The following RELN variants were observed in gnomAD, a reference collection of about 807,000 sequenced individuals.
RELN encodes reelin.
A neutral mutation model predicts 427.6 loss-of-function variants in RELN; 108 were observed. That is an observed-to-expected ratio of 0.25 (90% CI 0.22 to 0.30). RELN has a LOEUF of 0.30. RELN is among the 10% of genes least tolerant of loss of function. The pLI, the probability that RELN is intolerant of heterozygous loss-of-function variation, is 1.00. For synonymous variants in RELN, 1,524 were observed against 1,513.4 expected (o/e 1.01, Z -0.16); for missense variants, 3,715 against 4,302.8 (o/e 0.86, Z 3.82).
At position 103,546,182 on chromosome 7, in the gene RELN, C is replaced by T. The variant is rs116478788; in HGVS notation, c.6303-838G>A. On this transcript the variant is annotated intron_variant, in intron 41 of 64. Coordinates refer to ENST00000428762, the MANE Select transcript of RELN (RefSeq NM_005045.4). ...TCCCTCCCTGACAACTGACAACCAC[C>T]AATCATTTCTGTCTCTATGGACTGA... Among the ~76,000 whole-genome samples the T allele has an allele frequency of 6.9e-3, 1,048 of 152,282 alleles. 16 individuals are homozygous for T. Among genetic ancestry groups the T allele is most frequent in the African/African-American group, 0.024 (987 of 41,548 alleles).
At chr7:103,851,378 T>C (rs1315548789) in intron 2 of RELN, among the ~76,000 whole-genome samples, 1 of 152,098 alleles carries the variant, frequency 6.6e-6, no homozygotes, top group African/African-American at 2.4e-5. Context: ...ACAAATATGG[T>C]GCAATGTATA....
At chr7:103,495,640 C>A in intron 57 of RELN, 83 bp downstream of exon 57, 4 of 1,283,402 alleles carry the variant, frequency 3.1e-6, no homozygotes, top group Non-Finnish European at 4.5e-6. Flanking sequence ...CAGTCATTTC[C>A]TTATAGTTGT....
At position 103,773,363 on chromosome 7, in the gene RELN, C is replaced by A. The variant is rs1373366214; in HGVS notation, c.544+3194G>T. ...GCTTCCTCTCTCTCTCTCCCTCTCT[C>A]TCTCTCCCTCCCTCCCTCCCTCCCT... On this transcript the variant is annotated intron_variant, in intron 4 of 64. Coordinates refer to ENST00000428762, the MANE Select transcript of RELN (RefSeq NM_005045.4). Among the ~76,000 whole-genome samples, 37 of 35,934 alleles carry A rather than the reference C, an allele frequency of 1.0e-3. 5 individuals carry two copies. In the African/African-American group the frequency reaches 0.01, roughly 10 times the overall value. The allele number at this position is 35,934 out of a possible 152,430, so 23.6% of individuals were successfully genotyped here.
chr7:103,797,779 G>A (rs1218085178), intron 3 of RELN, among the ~76,000 whole-genome samples: 3 of 152,164 alleles, frequency 2.0e-5, no homozygotes, highest in East Asian at 3.9e-4. Context: ...GGCATGTGGT[G>A]TATATAAAGG....
rs115107507 is a variant in RELN, at chr7:103,846,895, G to A, written c.338-13223C>T. ...GATGCCATCTCATGCCAGTTAGAAC[G>A]GCGATCATTAAAGAAGCAGGAAACA... On this transcript the variant is annotated intron_variant, in intron 2 of 64. Coordinates refer to ENST00000428762, the MANE Select transcript of RELN (RefSeq NM_005045.4). Among the ~76,000 whole-genome samples the A allele has an allele frequency of 4.7e-3, 709 of 152,290 alleles. 6 individuals carry two copies. Among genetic ancestry groups the A allele is most frequent in the African/African-American group, 0.016 (681 of 41,546 alleles).
At chr7:103,782,619 G>A (rs1048004186) in intron 3 of RELN, among the ~76,000 whole-genome samples, 2 of 151,826 alleles carry the variant, frequency 1.3e-5, no homozygotes. Flanking sequence ...AGGAATCAGA[G>A]GTATTTATAT....
In RELN at chr7:103,779,105, G is replaced by T. The variant is rs147725775; in HGVS notation, c.474-2478C>A. 1.1e-3 allele frequency among the ~76,000 whole-genome samples: 174 copies of T among 152,284 alleles called. 2 individuals carry two copies. Among genetic ancestry groups the T allele is most frequent in the African/African-American group, 4.0e-3 (166 of 41,566 alleles). On this transcript the variant is annotated intron_variant, in intron 3 of 64. Coordinates refer to ENST00000428762, the MANE Select transcript of RELN (RefSeq NM_005045.4). ...TTCAGGTCTTAGATTCGAGGCCTTG[G>T]ATTCTTTCCCTTGCATCAGCAGTTT...
chr7:103,757,469 C>G (rs1791188233), intron 4 of RELN, among the ~76,000 whole-genome samples: 1 of 152,120 alleles, frequency 6.6e-6, no homozygotes, highest in Non-Finnish European at 1.5e-5. Flanking sequence ...TGCCCAGTTT[C>G]TCAACTCTTT....
intron 3 of RELN, among the ~76,000 whole-genome samples, chr7:103,796,294 A>G (rs1792295917): frequency 6.6e-6 from 1 of 152,214 alleles, no homozygotes; most frequent in Non-Finnish European, 1.5e-5. Flanking sequence ...TTTTAAAACA[A>G]TAGCAATTTT....
chr7:103,620,116 T>C lies in RELN; in HGVS notation c.2703-8313A>G, dbSNP rs1425160907. Among the ~76,000 whole-genome samples, 14 of 152,110 alleles carry C rather than the reference T, an allele frequency of 9.2e-5. No homozygotes were observed. Among genetic ancestry groups the C allele is most frequent in the Non-Finnish European group, 2.9e-5 (2 of 68,006 alleles). Reference sequence around the variant, plus strand: ...GAGATAACTGAATGATGGGGATGGGTTCACCCATACTGTTCTCATGGTAGT... The same window carrying C: ...GAGATAACTGAATGATGGGGATGGGCTCACCCATACTGTTCTCATGGTAGT... On this transcript the variant is annotated intron_variant, in intron 20 of 64. Coordinates refer to ENST00000428762, the MANE Select transcript of RELN (RefSeq NM_005045.4). This position sits in a 1 kb window ranked among gnomAD's most constrained non-coding sequence, Gnocchi z 4.1.
At chr7:103,952,360 T>C (rs1796349007) in intron 1 of RELN, among the ~76,000 whole-genome samples, 1 of 152,228 alleles carries the variant, frequency 6.6e-6, no homozygotes, top group South Asian at 2.1e-4. Context: ...ATTGCAGATA[T>C]ACTGTGCAAT....
At chr7:103,951,789 C>T (rs1413352163) in intron 1 of RELN, among the ~76,000 whole-genome samples, 1 of 152,240 alleles carries the variant, frequency 6.6e-6, no homozygotes, top group East Asian at 1.9e-4. Flanking sequence ...TCTTGTGCCT[C>T]AGCCTCCCAA....
Position 103,540,368 on chromosome 7 carries a change from G to T in RELN, c.6759C>A (p.Asn2253Lys), listed in dbSNP as rs548135273. 1 of 1,614,104 alleles carries T rather than the reference G, an allele frequency of 6.2e-7. No homozygotes were observed. Among genetic ancestry groups the T allele is most frequent in the Middle Eastern group, 1.6e-4 (1 of 6,062 alleles). ...GAAGAAGACTCCACGAGAGGCCACCGTTGAGAGAATACTGTAGGAGCACGG... is the reference window on the plus strand; with the variant it reads ...GAAGAAGACTCCACGAGAGGCCACCTTTGAGAGAATACTGTAGGAGCACGG... ...SQPVLLQYSL[N>K]GGLSWSLLQE... is the part of the protein sequence containing the mutation. Residue 2253 changes from asparagine (N) to lysine (K), a missense_variant, in exon 44 of 65, where the codon AAC (asparagine) becomes AAA (lysine). Asn to Lys is a moderately conservative substitution (Grantham distance 94, BLOSUM62 0). Coordinates refer to ENST00000428762, the MANE Select transcript of RELN (RefSeq NM_005045.4).
At chr7:103,851,882 C>T (rs1442602035) in intron 2 of RELN, among the ~76,000 whole-genome samples, 2 of 152,190 alleles carry the variant, frequency 1.3e-5, no homozygotes, top group South Asian at 2.1e-4. Flanking sequence ...AGTTGAAACA[C>T]GGAACAGAAA....
chr7:103,909,319 C>T (rs41434053), intron 2 of RELN, among the ~76,000 whole-genome samples: 35,813 of 151,636 alleles, frequency 0.24, 4,934 homozygotes, highest in African/African-American at 0.37. Flanking sequence ...AGTTAGCATA[C>T]AGGCCCTGCA....
At chr7:103,964,054 G>A (rs551851194) in intron 1 of RELN, among the ~76,000 whole-genome samples, 1 of 152,258 alleles carries the variant, frequency 6.6e-6, no homozygotes, top group South Asian at 2.1e-4. Flanking sequence ...AGCTACATGA[G>A]AGGCTAAGGC....
rs749919235 is a variant in RELN at position 103,500,728 on chromosome 7, C to G, written c.8667+17G>C. 6.2e-7 allele frequency: 1 copy of G among 1,613,444 alleles called. No homozygotes were observed. The highest frequency in any genetic ancestry group is 1.7e-5 in the Admixed American group (1 of 59,996). Reference sequence around the variant, plus strand: ...CATGATGTGAGTAATGCGTCTTGTCCAGGGCTTTACCCTTACCTTCAGAGT... The same window carrying G: ...CATGATGTGAGTAATGCGTCTTGTCGAGGGCTTTACCCTTACCTTCAGAGT... On this transcript the variant is annotated intron_variant, in intron 53 of 64. Transcript: ENST00000428762.
chr7:103,674,762 A>C (rs1406828642), intron 11 of RELN, among the ~76,000 whole-genome samples: 1 of 152,250 alleles, frequency 6.6e-6, no homozygotes, highest in African/African-American at 2.4e-5. Context: ...AATCCGTCAT[A>C]TAAACAGAAC....
intron 63 of RELN, chr7:103,481,817 A>G (rs1828248727): frequency 6.6e-6 from 1 of 152,208 alleles, no homozygotes; most frequent in African/African-American, 2.4e-5. Context: ...TAAGTAAAAC[A>G]TCAGCCTCAT....
Sources: allele counts gnomAD v4.1 joint callset (sites outside exome capture counted in the v4.1 genomes callset), GRCh38; gene constraint gnomAD v4.1.1; non-coding constraint Gnocchi (gnomAD v3.1); transcripts MANE v1.5; gene names NCBI Gene and HGNC (gene_info 2026-07-23, HGNC 2026-07-21).